PGPEP1L: variants seen among roughly 807,000 people sequenced by gnomAD.
PGPEP1L encodes the protein pyroglutamyl-peptidase I like.
Under a neutral mutation model 6.0 loss-of-function variants are expected in PGPEP1L, and 7 were observed. The ratio of observed to expected loss-of-function variants is 1.17; its 90% CI spans 0.66 to 2.19. The LOEUF is 2.19. PGPEP1L is among the 30% of genes most tolerant of loss of function. The pLI is 0.00. For missense variants in PGPEP1L, 209 were observed against 192.5 expected, an observed-to-expected ratio of 1.09 and a Z score of -0.51; for synonymous variants, 103 against 83.9, an observed-to-expected ratio of 1.23 and a Z score of -1.24.
intron 2 of PGPEP1L, among the ~76,000 whole-genome samples, chr15:98,977,218 A>G (rs2017583488): frequency 6.6e-6 from 1 of 152,080 alleles, no homozygotes; most frequent in Admixed American, 6.5e-5. Context: ...TTCTATTGTT[A>G]TATTTCTGCT....
intron 3 of PGPEP1L, among the ~76,000 whole-genome samples, chr15:98,970,366 A>G (rs1334873492): frequency 1.3e-5 from 2 of 152,084 alleles, no homozygotes; most frequent in Non-Finnish European, 2.9e-5. Flanking sequence ...TTTAAATGAA[A>G]CTTTAATAAA....
intron 2 of PGPEP1L, among the ~76,000 whole-genome samples, chr15:98,981,403 T>G (rs2017658137): frequency 6.8e-6 from 1 of 146,042 alleles, no homozygotes; most frequent in Admixed American, 7.2e-5. Flanking sequence ...GGCAGGAGAA[T>G]GGCGTGAACC....
At position 98,969,419 on chromosome 15, in the gene PGPEP1L, G is replaced by C. The variant is rs2017455979; in HGVS notation, c.209+6C>G. The C allele has an allele frequency of 1.9e-6, 3 of 1,613,928 alleles. No homozygotes were observed. The highest frequency in any genetic ancestry group is 1.6e-4 in the Middle Eastern group (1 of 6,062). ...TGCTCAGAGTCCTGACACCCACAGAGCATACCTGCCTGCATCTCGGGAAAA... is the reference window on the plus strand; with the variant it reads ...TGCTCAGAGTCCTGACACCCACAGACCATACCTGCCTGCATCTCGGGAAAA... On this transcript the variant is annotated splice_donor_region_variant and intron_variant, in intron 4 of 4. Transcript: ENST00000535714.
At chr15:98,979,971 G>A (rs867526140) in intron 2 of PGPEP1L, among the ~76,000 whole-genome samples, 1 of 152,084 alleles carries the variant, frequency 6.6e-6, no homozygotes, top group Non-Finnish European at 1.5e-5. Flanking sequence ...CTCATAAGTG[G>A]GAGCTAAGCT....
chr15:98,980,195 TAAATG>T (rs911254466), intron 2 of PGPEP1L, among the ~76,000 whole-genome samples: 5 of 152,166 alleles, frequency 3.3e-5, no homozygotes, highest in East Asian at 1.9e-4. Flanking sequence ...AAAGAATAAA[TAAATG>T]AAAAGTGTCC....
At chr15:99,007,260 T>A (rs1460209689) in intron 1 of PGPEP1L, 99 bp downstream of exon 1, 1 of 152,224 alleles carries the variant, frequency 6.6e-6, no homozygotes, top group African/African-American at 2.4e-5. Context: ...TTGCCTCATT[T>A]CACAGAAGTT....
At chr15:98,984,440 C>T (rs2017717277) in intron 2 of PGPEP1L, among the ~76,000 whole-genome samples, 1 of 152,068 alleles carries the variant, frequency 6.6e-6, no homozygotes, top group South Asian at 2.1e-4. Context: ...CATAGCCGGG[C>T]CCTTGGTGGA....
intron 2 of PGPEP1L, among the ~76,000 whole-genome samples, chr15:98,990,977 A>T (rs965952610): frequency 6.6e-6 from 1 of 152,236 alleles, no homozygotes; most frequent in Non-Finnish European, 1.5e-5. Context: ...TGTAGAGGGA[A>T]TTTTATAGCA....
intron 2 of PGPEP1L, among the ~76,000 whole-genome samples, chr15:98,999,392 ACACTTAT>A (rs2017929564): frequency 6.6e-6 from 1 of 152,260 alleles, no homozygotes; most frequent in Non-Finnish European, 1.5e-5. Context: ...ATGTCACAGC[ACACTTAT>A]CAGAGTGGCT....
chr15:99,000,145 G>A (rs114880379), intron 2 of PGPEP1L, among the ~76,000 whole-genome samples: 11,944 of 152,344 alleles, frequency 0.078, 548 homozygotes, highest in South Asian at 0.11. Context: ...CACTGGGAGT[G>A]GCCGGCCAGC....
At chr15:98,979,466 G>A (rs2017623266) in intron 2 of PGPEP1L, among the ~76,000 whole-genome samples, 1 of 152,060 alleles carries the variant, frequency 6.6e-6, no homozygotes, top group African/African-American at 2.4e-5. Context: ...TATTTAATAA[G>A]TGCCCAACAA....
intron 1 of PGPEP1L, among the ~76,000 whole-genome samples, chr15:99,006,948 C>T (rs2018077929): frequency 6.6e-6 from 1 of 152,264 alleles, no homozygotes; most frequent in South Asian, 2.1e-4. Flanking sequence ...TCTCAAGCAC[C>T]CTGCGGCCTC....
chr15:99,007,222 T>G (rs1461355686), intron 1 of PGPEP1L, 137 bp downstream of exon 1: 1 of 151,432 alleles, frequency 6.6e-6, no homozygotes, highest in Admixed American at 6.6e-5. Flanking sequence ...CACCTTGCCA[T>G]GAGTGGGATG....
At chr15:98,969,097 A>G (rs1409272508) in intron 4 of PGPEP1L, among the ~76,000 whole-genome samples, 1 of 152,246 alleles carries the variant, frequency 6.6e-6, no homozygotes, top group African/African-American at 2.4e-5. Context: ...CAACACAGTT[A>G]ACTCACAACT....
Position 98,981,309 on chromosome 15 carries a change from A to G in PGPEP1L, c.-141-10151T>C, listed in dbSNP as rs568896687. Among the ~76,000 whole-genome samples, 304 of 152,060 alleles carry G rather than the reference A, an allele frequency of 2.0e-3. 1 individual carries two copies. Among genetic ancestry groups the G allele is most frequent in the Admixed American group, 8.3e-3 (127 of 15,268 alleles). ...AGATCCAGACCATCCTGGCTAACAC[A>G]GTGAAACCCCGTCTCCACTAAAAAT... On this transcript the variant is annotated intron_variant, in intron 2 of 4. Transcript: ENST00000535714.
chr15:98,995,949 C>T (rs1228358442), intron 2 of PGPEP1L, among the ~76,000 whole-genome samples: 1 of 152,116 alleles, frequency 6.6e-6, no homozygotes, highest in African/African-American at 2.4e-5. Flanking sequence ...TGACTGGTGC[C>T]TTTCATTTAC....
At chr15:98,969,332 A>G in intron 4 of PGPEP1L, 93 bp downstream of exon 4, 1 of 1,511,292 alleles carries the variant, frequency 6.6e-7, no homozygotes, top group Non-Finnish European at 9.1e-7. Context: ...GGCCAGCTGG[A>G]CGATACAGGA....
chr15:98,971,068 C>G lies in PGPEP1L; in HGVS notation c.-51G>C. On this transcript the variant is annotated 5_prime_UTR_variant, in exon 3 of 5. Coordinates refer to ENST00000535714, the MANE Select transcript of PGPEP1L (RefSeq NM_001167902.2). ...TGATGATCTTCCCAGATTCCGGTGA[C>G]CCTCCGCTTAGCCTCCCTGTAATCT... 6.2e-7 allele frequency: 1 copy of G among 1,613,822 alleles called. No homozygotes were observed. The highest frequency in any genetic ancestry group is 8.5e-7 in the Non-Finnish European group (1 of 1,179,836).
chr15:98,973,920 T>A (rs1387453777), intron 2 of PGPEP1L, among the ~76,000 whole-genome samples: 1 of 152,076 alleles, frequency 6.6e-6, no homozygotes, highest in Non-Finnish European at 1.5e-5. Flanking sequence ...AATAGGTGGT[T>A]TTGGGAACAA....
Sources: allele counts gnomAD v4.1 joint callset (sites outside exome capture counted in the v4.1 genomes callset), GRCh38; gene constraint gnomAD v4.1.1; transcripts MANE v1.5; gene names NCBI Gene and HGNC (gene_info 2026-07-23, HGNC 2026-07-21).